The following KAZN variants were observed in gnomAD, a reference collection of about 807,000 sequenced individuals.
The protein encoded by KAZN is kazrin, periplakin interacting protein.
A neutral mutation model predicts 87.4 loss-of-function variants in KAZN; 40 were observed. The ratio of observed to expected loss-of-function variants is 0.46; its 90% confidence interval spans 0.36 to 0.60. The LOEUF (loss-of-function observed/expected upper bound fraction) is 0.60, where lower values mean the gene tolerates loss of function less well. KAZN is among the 20% of genes least tolerant of loss of function. The pLI is 0.00. For synonymous variants in KAZN, 466 were observed against 458.3 expected (o/e 1.02, Z -0.22); for missense variants, 898 against 1,073.9 (o/e 0.84, Z 2.29).
chr1:14,542,106 C>G (rs1266883934), intron 2 of KAZN, among the ~76,000 whole-genome samples: 1 of 152,132 alleles, frequency 6.6e-6, no homozygotes, highest in Non-Finnish European at 1.5e-5. Flanking sequence ...CCTCTCAACC[C>G]ACAGGCTCAT....
At chr1:14,928,517 T>A (rs1481993821) in intron 1 of KAZN, among the ~76,000 whole-genome samples, 1 of 152,118 alleles carries the variant, frequency 6.6e-6, no homozygotes, top group Non-Finnish European at 1.5e-5. Flanking sequence ...TAAATTTTTA[T>A]CCTTAAAAAA....
intron 2 of KAZN, among the ~76,000 whole-genome samples, chr1:14,412,675 A>T (rs1209122619): frequency 6.6e-6 from 1 of 152,042 alleles, no homozygotes; most frequent in Non-Finnish European, 1.5e-5. Context: ...AGTGAAAAGA[A>T]TCAATATTAT....
chr1:14,170,909 A>G (rs950320451), intron 1 of KAZN, among the ~76,000 whole-genome samples: 8 of 152,060 alleles, frequency 5.3e-5, no homozygotes, highest in Non-Finnish European at 1.0e-4. Context: ...TTCAGTAGAG[A>G]TGGGGTTTCG....
chr1:14,292,385 A>G (rs867482354), intron 2 of KAZN, among the ~76,000 whole-genome samples: 11 of 152,144 alleles, frequency 7.2e-5, no homozygotes, highest in South Asian at 2.1e-4. Flanking sequence ...AATCGCCCAA[A>G]TAGCAGAGGC....
At chr1:14,460,579 C>T (rs1667804736) in intron 2 of KAZN, among the ~76,000 whole-genome samples, 1 of 152,156 alleles carries the variant, frequency 6.6e-6, no homozygotes, top group South Asian at 2.1e-4. Context: ...TTACTGCAGG[C>T]CTGGGATACT....
At chr1:14,574,045 C>T (rs1345297322) in intron 2 of KAZN, among the ~76,000 whole-genome samples, 2 of 152,062 alleles carry the variant, frequency 1.3e-5, no homozygotes, top group Non-Finnish European at 2.9e-5. Flanking sequence ...CATGACATAA[C>T]GTTTCCAATG....
chr1:13,993,485 A>G (rs778395854), intron 1 of KAZN, among the ~76,000 whole-genome samples: 1 of 152,184 alleles, frequency 6.6e-6, no homozygotes, highest in Non-Finnish European at 1.5e-5. Flanking sequence ...ACTGTATAGA[A>G]TTTTATCTGG....
intron 1 of KAZN, among the ~76,000 whole-genome samples, chr1:13,984,980 A>C (rs2101091257): frequency 6.6e-6 from 1 of 152,282 alleles, no homozygotes; most frequent in East Asian, 1.9e-4. Flanking sequence ...ATGGAAAAAT[A>C]AACACTAAAA....
At chr1:14,574,755 G>A (rs933644769) in intron 2 of KAZN, among the ~76,000 whole-genome samples, 4 of 152,174 alleles carry the variant, frequency 2.6e-5, no homozygotes, top group African/African-American at 9.7e-5. Flanking sequence ...GCATGCAAAG[G>A]TAAGAGAGGT....
rs1274655151 is a variant in KAZN at position 14,163,635 on chromosome 1, C to T, written c.92-16800C>T. Among the ~76,000 whole-genome samples the T allele has an allele frequency of 5.3e-5, 8 of 152,106 alleles. No individual in the cohort carries two copies. In the East Asian group the frequency reaches 1.3e-3, roughly 26 times the overall value. On this transcript the variant is annotated intron_variant, in intron 1 of 16. Transcript: ENST00000636203. Reference sequence around the variant, plus strand: ...GTGTTTTCTATGTATTGGGAGACTGCCGTTCCCTAGTGCCAGCTGTGACCA... The same window carrying T: ...GTGTTTTCTATGTATTGGGAGACTGTCGTTCCCTAGTGCCAGCTGTGACCA...
At chr1:13,971,929 C>T (rs890549533) in intron 1 of KAZN, among the ~76,000 whole-genome samples, 1 of 152,106 alleles carries the variant, frequency 6.6e-6, no homozygotes, top group African/African-American at 2.4e-5. Context: ...ATTGTAAGTT[C>T]CCTGAGGCCT....
At chr1:14,025,015 G>A (rs887896975) in intron 1 of KAZN, among the ~76,000 whole-genome samples, 2 of 152,196 alleles carry the variant, frequency 1.3e-5, no homozygotes, top group Non-Finnish European at 2.9e-5. Context: ...TCAGATCAAA[G>A]CACATCTTTT....
intron 1 of KAZN, among the ~76,000 whole-genome samples, chr1:14,860,676 T>C (rs1292539963): frequency 1.3e-5 from 2 of 152,196 alleles, no homozygotes; most frequent in Non-Finnish European, 2.9e-5. Context: ...GTACAAGCAT[T>C]TTAGACACAG....
chr1:15,079,729 A>G (rs1170014980), intron 8 of KAZN, among the ~76,000 whole-genome samples: 4 of 152,154 alleles, frequency 2.6e-5, no homozygotes, highest in African/African-American at 9.7e-5. Context: ...CCGGGAAAAC[A>G]TGTCAGAAAA....
chr1:15,085,501 T>C (rs547848830), intron 8 of KAZN, among the ~76,000 whole-genome samples: 8 of 152,274 alleles, frequency 5.3e-5, no homozygotes, highest in African/African-American at 1.9e-4. Context: ...CTAATTTTTG[T>C]ATTTTTGGTA....
chr1:14,504,304 G>C (rs1020045607), intron 2 of KAZN, among the ~76,000 whole-genome samples: 1 of 152,156 alleles, frequency 6.6e-6, no homozygotes, highest in Admixed American at 6.5e-5. Flanking sequence ...TTAAAGCTGG[G>C]GGAGAGAGAA....
chr1:14,441,381 A>AGCGGCAGCG (rs1553172857), intron 2 of KAZN, among the ~76,000 whole-genome samples: 1 of 151,854 alleles, frequency 6.6e-6, no homozygotes, highest in Non-Finnish European at 1.5e-5. Flanking sequence ...CAGCGGCAGC[A>AGCGGCAGCG]GCAGCAGCAG....
chr1:13,961,221 C>A (rs1477619492), intron 1 of KAZN, among the ~76,000 whole-genome samples: 1 of 152,090 alleles, frequency 6.6e-6, no homozygotes, highest in Non-Finnish European at 1.5e-5. Flanking sequence ...ACAAAAGGAA[C>A]TTGACTTCTA....
At chr1:14,222,137 G>A (rs755659848) in intron 2 of KAZN, 5 of 152,054 alleles carry the variant, frequency 3.3e-5, no homozygotes, top group Non-Finnish European at 5.9e-5. Context: ...AATTTGCTCC[G>A]GATTCTTTGA....
Sources: allele counts gnomAD v4.1 joint callset (sites outside exome capture counted in the v4.1 genomes callset), GRCh38; gene constraint gnomAD v4.1.1; transcripts MANE v1.5; gene names NCBI Gene and HGNC (gene_info 2026-07-23, HGNC 2026-07-21).